LNX2: variants seen among roughly 807,000 people sequenced by gnomAD.
LNX2 encodes the protein ligand of Numb protein X 2.
Under a neutral mutation model 66.2 loss-of-function variants are expected in LNX2, and 35 were observed. The observed-to-expected ratio is 0.53, with a 90% CI of 0.40 to 0.70. The LOEUF is 0.70. Ranked by LOEUF, LNX2 falls within the 30% of genes least tolerant of loss-of-function variation. LNX2 has a pLI of 0.00. For missense variants in LNX2, 791 were observed against 850.8 expected, an observed-to-expected ratio of 0.93 and a Z score of 0.87; for synonymous variants, 337 against 315.6, an observed-to-expected ratio of 1.07 and a Z score of -0.72.
At chr13:27,570,158 G>A (rs1955260866) in intron 2 of LNX2, among the ~76,000 whole-genome samples, 1 of 152,172 alleles carries the variant, frequency 6.6e-6, no homozygotes, top group Non-Finnish European at 1.5e-5. Context: ...AAGGATGGGA[G>A]GAGGACAAAA....
chr13:27,594,623 C>A (rs1318008151), intron 1 of LNX2, among the ~76,000 whole-genome samples: 1 of 151,980 alleles, frequency 6.6e-6, no homozygotes, highest in Non-Finnish European at 1.5e-5. Flanking sequence ...TATTTTTCTC[C>A]CAGTTGTTAC....
In LNX2 at chr13:27,553,355, G is replaced by A. The variant is rs751622851; in HGVS notation, c.1631C>T (p.Ala544Val). Residue 544 changes from alanine to valine, a missense_variant, in exon 8 of 10, where the codon GCG (alanine) becomes GTG (valine). By Grantham distance (64) the Ala-to-Val change is moderately conservative (BLOSUM62 0). Coordinates refer to ENST00000316334, the MANE Select transcript of LNX2 (RefSeq NM_153371.4). ...TGCTTTAAGGGCAACAGCAGGGGAC[G>A]CGGCACTGGCTTTCAGCATTGCAAC... is the stretch of plus-strand genomic sequence containing the variant. ...EAVAMLKASAASPAVALKALE... is the reference protein window; with the variant it reads ...EAVAMLKASAVSPAVALKALE... 2.1e-5 allele frequency: 34 copies of A among 1,613,976 alleles called. No individual in the cohort carries two copies. Among genetic ancestry groups the A allele is most frequent in the Middle Eastern group, 3.3e-4 (2 of 6,084 alleles).
intron 1 of LNX2, among the ~76,000 whole-genome samples, chr13:27,607,238 T>C (rs779954120): frequency 5.3e-5 from 8 of 152,174 alleles, no homozygotes; most frequent in Non-Finnish European, 7.4e-5. Context: ...ATAGACAAAT[T>C]TGTGTTTTCT....
chr13:27,589,435 A>G (rs1955525749), intron 1 of LNX2, among the ~76,000 whole-genome samples: 1 of 152,240 alleles, frequency 6.6e-6, no homozygotes, highest in Admixed American at 6.5e-5. Context: ...TATATATAAT[A>G]AAACACTTAT....
chr13:27,574,712 T>C (rs1955324654), intron 2 of LNX2, among the ~76,000 whole-genome samples: 1 of 152,226 alleles, frequency 6.6e-6, no homozygotes, highest in Admixed American at 6.5e-5. Context: ...TCCAAGAAGC[T>C]TAATAAACTC....
chr13:27,559,699 T>A (rs1456651481), intron 6 of LNX2, 143 bp downstream of exon 6: 2 of 755,432 alleles, frequency 2.6e-6, no homozygotes, highest in African/African-American at 3.6e-5. Context: ...TTCAACAGAA[T>A]AACAACCCTC....
chr13:27,579,116 A>G (rs567858912), intron 2 of LNX2, among the ~76,000 whole-genome samples: 1 of 152,332 alleles, frequency 6.6e-6, no homozygotes, highest in Non-Finnish European at 1.5e-5. Flanking sequence ...ACACCTAGAA[A>G]AGTATCTGGC....
chr13:27,577,943 C>A (rs1955357097), intron 2 of LNX2, among the ~76,000 whole-genome samples: 1 of 152,146 alleles, frequency 6.6e-6, no homozygotes, highest in African/African-American at 2.4e-5. Context: ...ATATTTAGTA[C>A]AACATGTAGA....
intron 1 of LNX2, among the ~76,000 whole-genome samples, chr13:27,601,667 A>G (rs1955659232): frequency 2.6e-5 from 4 of 152,290 alleles, no homozygotes; most frequent in East Asian, 3.9e-4. Flanking sequence ...TCCATTATTA[A>G]TATTTTCCCA....
chr13:27,598,222 A>G (rs1319301824), intron 1 of LNX2, among the ~76,000 whole-genome samples: 1 of 150,946 alleles, frequency 6.6e-6, no homozygotes, highest in Non-Finnish European at 1.5e-5. Flanking sequence ...AAAAAAAAAG[A>G]CATGATCAAC....
chr13:27,574,599 T>C (rs1341460168), intron 2 of LNX2, among the ~76,000 whole-genome samples: 1 of 150,776 alleles, frequency 6.6e-6, no homozygotes, highest in Non-Finnish European at 1.5e-5. Flanking sequence ...ATATACATAA[T>C]GAGAGTTCCA....
At chr13:27,620,098 G>A (rs1363432663) in intron 1 of LNX2, among the ~76,000 whole-genome samples, 2 of 152,178 alleles carry the variant, frequency 1.3e-5, no homozygotes, top group Admixed American at 1.3e-4. Context: ...GCTAACAGCC[G>A]GAGGCCGCCC....
At chr13:27,601,054 T>C (rs946387271) in intron 1 of LNX2, among the ~76,000 whole-genome samples, 7 of 152,248 alleles carry the variant, frequency 4.6e-5, no homozygotes, top group African/African-American at 1.7e-4. Context: ...CAGTGATTTA[T>C]TCCTTCATAG....
At chr13:27,597,346 C>A (rs80348933) in intron 1 of LNX2, among the ~76,000 whole-genome samples, 3,388 of 152,236 alleles carry the variant, frequency 0.022, 136 homozygotes, top group African/African-American at 0.077. Context: ...AGAGTAATTT[C>A]TATTGCAATA....
chr13:27,589,437 A>G (rs896374798), intron 1 of LNX2, among the ~76,000 whole-genome samples: 1 of 152,200 alleles, frequency 6.6e-6, no homozygotes, highest in Non-Finnish European at 1.5e-5. Flanking sequence ...TATATAATAA[A>G]ACACTTATTG....
intron 4 of LNX2, among the ~76,000 whole-genome samples, chr13:27,565,479 G>T (rs1182565729): frequency 6.6e-6 from 1 of 152,112 alleles, no homozygotes; most frequent in Non-Finnish European, 1.5e-5. Context: ...GATGAACCTG[G>T]GAAATGAGCT....
At chr13:27,598,454 G>A (rs1216549371) in intron 1 of LNX2, among the ~76,000 whole-genome samples, 2 of 152,042 alleles carry the variant, frequency 1.3e-5, no homozygotes, top group Non-Finnish European at 2.9e-5. Flanking sequence ...TAACCCATGG[G>A]GTCAATTTTG....
At chr13:27,572,322 C>A (rs1030370153) in intron 2 of LNX2, among the ~76,000 whole-genome samples, 3 of 152,104 alleles carry the variant, frequency 2.0e-5, no homozygotes, top group African/African-American at 4.8e-5. Context: ...CTCAGTGTAG[C>A]AGGAGACTAG....
At chr13:27,605,599 C>T (rs557227755) in intron 1 of LNX2, among the ~76,000 whole-genome samples, 9 of 152,250 alleles carry the variant, frequency 5.9e-5, no homozygotes, top group African/African-American at 1.9e-4. Context: ...GTCTGGTTTC[C>T]AATCATAGGT....
Sources: allele counts gnomAD v4.1 joint callset (sites outside exome capture counted in the v4.1 genomes callset), GRCh38; gene constraint gnomAD v4.1.1; transcripts MANE v1.5; gene names NCBI Gene and HGNC (gene_info 2026-07-23, HGNC 2026-07-21).